The following AHI1 variants were observed in gnomAD, a reference collection of about 807,000 sequenced individuals.
AHI1 encodes the protein Abelson helper integration site 1, also known as jouberin.
A neutral mutation model predicts 149.3 loss-of-function variants in AHI1; 123 were observed. The observed-to-expected ratio is 0.82, with a 90% CI of 0.71 to 0.96. AHI1 has a LOEUF of 0.96. AHI1 is among the 40% of genes least tolerant of loss of function. The probability of loss-of-function intolerance (pLI) is 0.00; values close to 1 mark genes in which losing one functional copy is unlikely to be tolerated. For missense variants in AHI1, 1,439 were observed against 1,422.7 expected, an observed-to-expected ratio of 1.01 and a Z score of -0.18; for synonymous variants, 475 against 459.8, an observed-to-expected ratio of 1.03 and a Z score of -0.42.
chr6:135,331,591 T>C (rs968709186), intron 24 of AHI1, among the ~76,000 whole-genome samples: 1 of 152,178 alleles, frequency 6.6e-6, no homozygotes, highest in Non-Finnish European at 1.5e-5. Flanking sequence ...ATGAAACCAG[T>C]GTACTGAGGG....
intron 13 of AHI1, among the ~76,000 whole-genome samples, 173 bp downstream of exon 13, chr6:135,446,835 T>A (rs1787313161): frequency 6.6e-6 from 1 of 152,236 alleles, no homozygotes; most frequent in South Asian, 2.1e-4. Flanking sequence ...ATACACATGC[T>A]AGGCACTCTA....
intron 26 of AHI1, among the ~76,000 whole-genome samples, chr6:135,308,305 T>C (rs1378814431): frequency 1.3e-5 from 2 of 152,140 alleles, no homozygotes; most frequent in Non-Finnish European, 2.9e-5. Flanking sequence ...GCACGATCAC[T>C]GTTCACTGCA....
At chr6:135,477,540 T>C (rs1792878985) in intron 5 of AHI1, among the ~76,000 whole-genome samples, 1 of 152,176 alleles carries the variant, frequency 6.6e-6, no homozygotes. Flanking sequence ...TTCCATGTGT[T>C]GAAGGAGGGG....
At chr6:135,393,623 A>C (rs967601867) in intron 23 of AHI1, among the ~76,000 whole-genome samples, 1 of 152,140 alleles carries the variant, frequency 6.6e-6, no homozygotes, top group African/African-American at 2.4e-5. Flanking sequence ...GGAACACTAG[A>C]AATTAAACAT....
intron 20 of AHI1, among the ~76,000 whole-genome samples, chr6:135,424,760 T>C (rs1486124658): frequency 6.6e-6 from 1 of 151,982 alleles, no homozygotes; most frequent in Non-Finnish European, 1.5e-5. Context: ...ATTCACAACT[T>C]GTTTAGCTTA....
chr6:135,340,361 ACTCTGT>A lies in AHI1; in HGVS notation c.3166-17043_3166-17038del, dbSNP rs534259851. Among the ~76,000 whole-genome samples, 361 of 151,706 alleles carry A rather than the reference ACTCTGT, an allele frequency of 2.4e-3. 4 individuals are homozygous for A. Among genetic ancestry groups the A allele is most frequent in the African/African-American group, 8.2e-3 (338 of 41,360 alleles). On this transcript the variant is annotated intron_variant, in intron 24 of 28. Coordinates refer to ENST00000265602, the MANE Select transcript of AHI1 (RefSeq NM_001134831.2). The stretch of plus-strand genomic sequence containing the variant: ...ACTCCATCCTGGGCGACAGAGCGAG[ACTCTGT>A]CTCAAAAAACAAAAACCAAAACAAA...
Position 135,323,314 on chromosome 6 carries a change from A to T in AHI1, c.3176T>A (p.Leu1059His). ...TGATCGATTCGCTGTGTAGTCATAA[A>T]GAGCCACTACCTAAGAGAGAGATAA... ...QVDTAPTVVALYDYTANRSDE... is the reference protein window; with the variant it reads ...QVDTAPTVVAHYDYTANRSDE... Residue 1059 changes from leucine (L) to histidine (H), a missense_variant, in exon 25 of 29, where the codon CTT (leucine) becomes CAT (histidine). Leu to His is a moderately conservative substitution (Grantham distance 99). Transcript: ENST00000265602. 1 of 1,613,526 alleles carries T rather than the reference A, an allele frequency of 6.2e-7. No individual in the cohort carries two copies.
At chr6:135,459,399 AAAG>A (rs1476534202) in intron 8 of AHI1, among the ~76,000 whole-genome samples, 1 of 152,194 alleles carries the variant, frequency 6.6e-6, no homozygotes, top group Non-Finnish European at 1.5e-5. Context: ...AATGCATATA[AAAG>A]AAGACTGAAA....
At chr6:135,393,378 C>T (rs1778790472) in intron 23 of AHI1, among the ~76,000 whole-genome samples, 1 of 152,090 alleles carries the variant, frequency 6.6e-6, no homozygotes. Flanking sequence ...CAGATATTTA[C>T]CTTCTAAGCT....
At chr6:135,368,302 G>GTTTAGT (rs1220105396) in intron 23 of AHI1, among the ~76,000 whole-genome samples, 2 of 152,078 alleles carry the variant, frequency 1.3e-5, no homozygotes, top group Non-Finnish European at 2.9e-5. Flanking sequence ...TTAGTGTGCT[G>GTTTAGT]GTTTTGTGTT....
intron 25 of AHI1, among the ~76,000 whole-genome samples, chr6:135,320,252 C>T (rs973103472): frequency 6.6e-6 from 1 of 151,544 alleles, no homozygotes; most frequent in African/African-American, 2.4e-5. Context: ...CTGGTCTATA[C>T]AAGGCTTTTT....
chr6:135,287,804 T>C (rs1402783176), intron 28 of AHI1, among the ~76,000 whole-genome samples: 1 of 150,760 alleles, frequency 6.6e-6, no homozygotes, highest in Non-Finnish European at 1.5e-5. Flanking sequence ...TTCATAAAAA[T>C]ACCGGGCCGT....
chr6:135,341,059 A>G (rs964375829), intron 24 of AHI1, among the ~76,000 whole-genome samples: 6 of 152,050 alleles, frequency 3.9e-5, no homozygotes, highest in Non-Finnish European at 8.8e-5. Flanking sequence ...AACAACGATA[A>G]TATATCAGAC....
Position 135,283,921 on chromosome 6 carries a change from C to T in AHI1, c.*1724G>A, listed in dbSNP as rs1781469037. On this transcript the variant is annotated 3_prime_UTR_variant, in exon 29 of 29. Transcript: ENST00000265602. ...TCATTCATCTTAAATTATTTCTAAA[C>T]TTGTTGAAATTCTTGGTGATTCAAT... 1 of 152,160 alleles carries T rather than the reference C, an allele frequency of 6.6e-6. No homozygotes were observed. The highest frequency in any genetic ancestry group is 1.5e-5 in the Non-Finnish European group (1 of 68,024). 9.4% of individuals were successfully genotyped at this position (152,160 alleles called of 1,614,324 possible).
chr6:135,467,620 T>C lies in AHI1; in HGVS notation c.150A>G (p.Arg50=). ...SEENISPDTI[R]SNLHYMKETT... is the part of the protein sequence containing the mutation. ...TTTCTTTCATATAGTGAAGATTGCT[T>C]CTAATAGTGTCAGGCTAAAAAGGAA... is the stretch of plus-strand genomic sequence containing the variant. The change falls in exon 6 of 29, where the codon AGA becomes AGG. Residue 50 remains arginine, a synonymous_variant. Coordinates refer to ENST00000265602, the MANE Select transcript of AHI1 (RefSeq NM_001134831.2). 6.2e-7 allele frequency: 1 copy of C among 1,607,344 alleles called. No homozygotes were observed. Among genetic ancestry groups the C allele is most frequent in the Admixed American group, 1.7e-5 (1 of 59,648 alleles).
chr6:135,419,574 CATT>C (rs1390741097), intron 20 of AHI1, among the ~76,000 whole-genome samples: 14 of 152,036 alleles, frequency 9.2e-5, no homozygotes, highest in Non-Finnish European at 1.8e-4. Flanking sequence ...TTAAGTGTAG[CATT>C]ATGTCTAAAA....
At chr6:135,316,945 A>T (rs1037827387) in intron 26 of AHI1, among the ~76,000 whole-genome samples, 2 of 152,012 alleles carry the variant, frequency 1.3e-5, no homozygotes, top group African/African-American at 4.8e-5. Context: ...TGTCTTCCCA[A>T]ATCTTTCTTA....
At chr6:135,453,629 A>AT (rs1445797224) in intron 10 of AHI1, among the ~76,000 whole-genome samples, 193 bp from the exon 11 acceptor site, 3 of 152,138 alleles carry the variant, frequency 2.0e-5, no homozygotes, top group Non-Finnish European at 4.4e-5. Context: ...TTTTCTGACT[A>AT]TTTTATCTTT....
chr6:135,492,457 T>C (rs1795376382), intron 3 of AHI1, 166 bp from the exon 4 acceptor site: 12 of 1,257,272 alleles, frequency 9.5e-6, no homozygotes, highest in South Asian at 3.2e-5. Flanking sequence ...TTGGGTACAT[T>C]TGAATCAGTT....
Sources: allele counts gnomAD v4.1 joint callset (sites outside exome capture counted in the v4.1 genomes callset), GRCh38; gene constraint gnomAD v4.1.1; transcripts MANE v1.5; gene names NCBI Gene and HGNC (gene_info 2026-07-23, HGNC 2026-07-21).